Variants in KDM4C observed in about 807,000 individuals in gnomAD.
The protein encoded by KDM4C is lysine demethylase 4C.
KDM4C carries 81 observed loss-of-function variants against 129.3 expected under a neutral mutation model. The ratio of observed to expected loss-of-function variants is 0.63; its 90% CI spans 0.52 to 0.75. The LOEUF (loss-of-function observed/expected upper bound fraction) is 0.75, where lower values mean the gene tolerates loss of function less well. Among genes scored for constraint, KDM4C ranks in the 30% least tolerant of loss-of-function variants. The pLI is 0.00. For synonymous variants in KDM4C, 573 were observed against 456.1 expected (o/e 1.26, Z -3.26); for missense variants, 1,457 against 1,304.0 (o/e 1.12, Z -1.81).
intron 15 of KDM4C, among the ~76,000 whole-genome samples, chr9:7,034,026 G>A (rs1365770123): frequency 6.6e-6 from 1 of 151,514 alleles, no homozygotes; most frequent in African/African-American, 2.4e-5. Context: ...TTTTTTGGTG[G>A]TGGTGGTGGG....
At chr9:7,138,616 AC>A (rs963084949) in intron 19 of KDM4C, among the ~76,000 whole-genome samples, 1 of 152,026 alleles carries the variant, frequency 6.6e-6, no homozygotes, top group Non-Finnish European at 1.5e-5. Context: ...GGAGTTTGAG[AC>A]CAGCCTGGGC....
rs113564814 is a variant in KDM4C, at chr9:7,164,350, T to TAAAAAA, written c.2782-886_2782-881dup. Among the ~76,000 whole-genome samples, 16 of 148,314 alleles carry TAAAAAA rather than the reference T, an allele frequency of 1.1e-4. 1 individual carries two copies. The highest frequency in any genetic ancestry group is 6.0e-5 in the Non-Finnish European group (4 of 67,160). On this transcript the variant is annotated intron_variant, in intron 19 of 21. Transcript: ENST00000381309. ...ACTTCCCTGTCCCCCTGCCACGCCT[T>TAAAAAA]AAAAAAACAAAAAGCACCTTTCAGG...
chr9:7,040,403 G>GTGTA (rs1828392325), intron 15 of KDM4C, among the ~76,000 whole-genome samples: 1 of 147,894 alleles, frequency 6.8e-6, no homozygotes, highest in Non-Finnish European at 1.5e-5. Flanking sequence ...GTGTGTGTGT[G>GTGTA]TGCGTGTGTA....
chr9:6,881,289 C>G (rs1003506722), intron 6 of KDM4C, among the ~76,000 whole-genome samples: 1 of 152,078 alleles, frequency 6.6e-6, no homozygotes, highest in Non-Finnish European at 1.5e-5. Context: ...TTTTGTCAGG[C>G]TAATAACTAT....
intron 1 of KDM4C, among the ~76,000 whole-genome samples, chr9:6,725,135 G>A (rs568456800): frequency 6.6e-6 from 1 of 151,888 alleles, no homozygotes; most frequent in South Asian, 2.1e-4. Flanking sequence ...CTGCCTTTTT[G>A]TTTTAAAAAA....
chr9:6,921,629 T>C (rs1017359084), intron 8 of KDM4C, among the ~76,000 whole-genome samples: 1 of 152,220 alleles, frequency 6.6e-6, no homozygotes, highest in East Asian at 1.9e-4. Context: ...CTCTCTATTC[T>C]TTATTCGGCA....
At position 6,782,333 on chromosome 9, in the gene KDM4C, A is replaced by C. The variant is rs561639742; in HGVS notation, c.-17-10639A>C. On this transcript the variant is annotated intron_variant, in intron 1 of 21. Transcript: ENST00000381309. ...AGATAGGCACCACTGAGGATAGGAG[A>C]AGCAAATAGCAAAGCAGTTATGAGT... Among the ~76,000 whole-genome samples the C allele has an allele frequency of 2.0e-5, 3 of 152,280 alleles. No homozygotes were observed. The East Asian group carries it at 5.8e-4, about 29-fold the overall frequency.
chr9:6,974,614 T>C (rs1024327384), intron 8 of KDM4C, among the ~76,000 whole-genome samples: 5 of 152,198 alleles, frequency 3.3e-5, no homozygotes, highest in Non-Finnish European at 7.4e-5. Flanking sequence ...CGCTTCGGCC[T>C]CTGAAAGTGC....
At chr9:6,867,051 C>T (rs1842150752) in intron 5 of KDM4C, among the ~76,000 whole-genome samples, 1 of 143,918 alleles carries the variant, frequency 6.9e-6, no homozygotes, top group East Asian at 2.0e-4. Flanking sequence ...GAATCTTGCT[C>T]TGTCACCAGG....
intron 8 of KDM4C, among the ~76,000 whole-genome samples, chr9:6,923,058 C>G (rs189883958): frequency 6.6e-6 from 1 of 152,162 alleles, no homozygotes. Context: ...TGAATTTTCT[C>G]CCCTCTAAAT....
intron 12 of KDM4C, among the ~76,000 whole-genome samples, chr9:6,993,160 C>G (rs550802905): frequency 3.2e-4 from 49 of 152,126 alleles, no homozygotes; most frequent in African/African-American, 1.1e-3. Context: ...AACAGCAAAA[C>G]ATGAAAGTTG....
intron 19 of KDM4C, among the ~76,000 whole-genome samples, chr9:7,152,813 A>T (rs1196096375): frequency 6.6e-6 from 1 of 152,226 alleles, no homozygotes; most frequent in Non-Finnish European, 1.5e-5. Context: ...ATAGCTTTAG[A>T]GACAGATCAG....
intron 3 of KDM4C, 152 bp from the exon 4 acceptor site, chr9:6,814,479 T>G: frequency 2.0e-6 from 1 of 496,880 alleles, no homozygotes; most frequent in Middle Eastern, 5.0e-4. Flanking sequence ...GCTATGTAAA[T>G]CAGTTTGTAT....
intron 5 of KDM4C, among the ~76,000 whole-genome samples, chr9:6,869,111 A>C (rs1372205555): frequency 6.6e-6 from 1 of 152,218 alleles, no homozygotes; most frequent in Non-Finnish European, 1.5e-5. Context: ...ATTCCAGATT[A>C]AAAAGAACTG....
At chr9:6,968,739 G>C (rs987124108) in intron 8 of KDM4C, among the ~76,000 whole-genome samples, 2 of 151,772 alleles carry the variant, frequency 1.3e-5, no homozygotes, top group Non-Finnish European at 2.9e-5. Context: ...TCATTTTCAG[G>C]TACTTCATAA....
intron 4 of KDM4C, chr9:6,834,921 G>C (rs1835594596): frequency 8.6e-7 from 1 of 1,169,182 alleles, no homozygotes; most frequent in Admixed American, 1.7e-5. Context: ...ATGGACTCCG[G>C]TGACGGGGTC....
chr9:7,008,633 C>T (rs776336383), intron 12 of KDM4C, among the ~76,000 whole-genome samples: 1 of 152,198 alleles, frequency 6.6e-6, no homozygotes, highest in Non-Finnish European at 1.5e-5. Context: ...CCTGTGGATG[C>T]AGTTGACAGG....
chr9:7,173,364 G>T (rs1048014647), intron 21 of KDM4C, among the ~76,000 whole-genome samples: 2 of 152,244 alleles, frequency 1.3e-5, no homozygotes, highest in African/African-American at 4.8e-5. Flanking sequence ...TCTGAGCAGA[G>T]CACGGGGCAG....
At chr9:6,858,377 C>T (rs969347091) in intron 5 of KDM4C, among the ~76,000 whole-genome samples, 3 of 152,112 alleles carry the variant, frequency 2.0e-5, no homozygotes, top group Non-Finnish European at 4.4e-5. Flanking sequence ...CCACCTACAA[C>T]ATTGACATCC....
Sources: gnomAD v4.1 joint callset for allele counts (sites outside exome capture counted in the v4.1 genomes callset) on GRCh38, gnomAD v4.1.1 for gene constraint, MANE v1.5 for transcripts, NCBI Gene and HGNC (gene_info 2026-07-23, HGNC 2026-07-21) for gene names.